SCAND3: variants seen among roughly 807,000 people sequenced by gnomAD.
SCAND3 encodes the protein SCAN domain-containing protein 3.
the SCAND3 span, among the ~76,000 whole-genome samples, chr6:28,612,186 C>T: frequency 6.6e-6 from 1 of 152,110 alleles, no homozygotes; most frequent in East Asian, 1.9e-4. Context: ...CAGGCGTGTG[C>T]CACCATGTGC....
At chr6:28,598,982 C>A in the SCAND3 span, among the ~76,000 whole-genome samples, 1 of 150,858 alleles carries the variant, frequency 6.6e-6, no homozygotes, top group Non-Finnish European at 1.5e-5. Flanking sequence ...ACTAGCAATA[C>A]TCATTTGGAA....
the SCAND3 span, among the ~76,000 whole-genome samples, chr6:28,610,478 G>A: frequency 2.6e-5 from 4 of 152,048 alleles, no homozygotes; most frequent in Admixed American, 6.6e-5. Flanking sequence ...AGCCGAGATC[G>A]CACCACTGCA....
At chr6:28,597,409 C>T in the SCAND3 span, among the ~76,000 whole-genome samples, 2 of 152,214 alleles carry the variant, frequency 1.3e-5, no homozygotes, top group African/African-American at 2.4e-5. Context: ...CTTAACCACT[C>T]GGCCACCTCG....
chr6:28,573,049 T>C, the SCAND3 span: 1 of 1,611,766 alleles, frequency 6.2e-7, no homozygotes, highest in Non-Finnish European at 8.5e-7. Flanking sequence ...TACAGCTTCA[T>C]ACAGTTCTGA....
the SCAND3 span, among the ~76,000 whole-genome samples, chr6:28,610,201 A>G: frequency 1.3e-5 from 2 of 152,158 alleles, no homozygotes; most frequent in African/African-American, 4.8e-5. Context: ...TTTTTTAAAC[A>G]GGTAATATGT....
chr6:28,576,832 G>T, the SCAND3 span, among the ~76,000 whole-genome samples: 1 of 147,442 alleles, frequency 6.8e-6, no homozygotes, highest in Non-Finnish European at 1.5e-5. Context: ...GGATGGTCTC[G>T]ATCTCCTGAC....
chr6:28,573,644 CA>C, the SCAND3 span: 1 of 1,612,674 alleles, frequency 6.2e-7, no homozygotes, highest in Non-Finnish European at 8.5e-7. Context: ...CCATCAATTA[CA>C]GCTACAAAAC....
the SCAND3 span, among the ~76,000 whole-genome samples, chr6:28,589,063 T>A: frequency 6.6e-6 from 1 of 152,218 alleles, no homozygotes; most frequent in Admixed American, 6.5e-5. Flanking sequence ...AGAGTACCCA[T>A]AATTTTATGT....
chr6:28,598,904 A>G, the SCAND3 span, among the ~76,000 whole-genome samples: 1 of 149,976 alleles, frequency 6.7e-6, no homozygotes, highest in East Asian at 1.9e-4. Flanking sequence ...AGAAAAAAGA[A>G]AAAAAGTAAT....
chr6:28,597,447 T>G, the SCAND3 span, among the ~76,000 whole-genome samples: 176 of 152,200 alleles, frequency 1.2e-3, no homozygotes, highest in Non-Finnish European at 2.2e-3. Flanking sequence ...CAAAGTCATT[T>G]TCTTCCTCCG....
At chr6:28,610,636 T>A in the SCAND3 span, among the ~76,000 whole-genome samples, 1 of 152,202 alleles carries the variant, frequency 6.6e-6, no homozygotes, top group African/African-American at 2.4e-5. Context: ...TACTTTGATG[T>A]GTCCTTCTAG....
the SCAND3 span, chr6:28,572,864 T>C: frequency 1.9e-6 from 3 of 1,613,948 alleles, no homozygotes; most frequent in East Asian, 6.7e-5. This position sits in a 1 kb window ranked among gnomAD's most constrained non-coding sequence, Gnocchi z 4.1. Context: ...GATATTTTTT[T>C]CATGGCAAGA....
the SCAND3 span, chr6:28,586,297 CCTG>C: frequency 6.3e-7 from 1 of 1,587,620 alleles, no homozygotes; most frequent in Non-Finnish European, 8.6e-7. This position sits in a 1 kb window ranked among gnomAD's most constrained non-coding sequence, Gnocchi z 4.4. Context: ...CAATTTCTCA[CCTG>C]CTGTCTAGGT....
the SCAND3 span, among the ~76,000 whole-genome samples, chr6:28,609,381 T>G: frequency 6.6e-6 from 1 of 152,302 alleles, no homozygotes; most frequent in East Asian, 1.9e-4. Context: ...TTTGGAGGTT[T>G]TTGAATATCA....
the SCAND3 span, chr6:28,573,457 T>C: frequency 8.1e-6 from 13 of 1,614,022 alleles, no homozygotes; most frequent in Non-Finnish European, 1.1e-5. Context: ...ATGAGAAACG[T>C]TGAACACCTG....
At chr6:28,587,389 A>G in the SCAND3 span, 1 of 152,344 alleles carries the variant, frequency 6.6e-6, no homozygotes, top group Admixed American at 6.5e-5. Flanking sequence ...CTGGTTGTGC[A>G]AACACCTACG....
chr6:28,595,330 C>CAAAAAAAAAAA, the SCAND3 span, among the ~76,000 whole-genome samples: 37 of 37,320 alleles, frequency 9.9e-4, 4 homozygotes, highest in African/African-American at 1.4e-3. Flanking sequence ...AACCCAGTCT[C>CAAAAAAAAAAA]AAAAAAAAAA....
the SCAND3 span, among the ~76,000 whole-genome samples, chr6:28,596,169 T>C: frequency 1.1e-3 from 166 of 152,344 alleles, 1 homozygote; most frequent in African/African-American, 3.1e-3. Context: ...TATAAAGTTA[T>C]TTGTGCAGCA....
chr6:28,571,183 G>A, the SCAND3 span: 1 of 152,152 alleles, frequency 6.6e-6, no homozygotes. Flanking sequence ...GCATGGTGGT[G>A]GGTGCCTGTA....
Sources: gnomAD v4.1 joint callset for allele counts (sites outside exome capture counted in the v4.1 genomes callset) on GRCh38, gnomAD v4.1.1 for gene constraint, Gnocchi (gnomAD v3.1) non-coding constraint, MANE v1.5 for transcripts, NCBI Gene and HGNC (gene_info 2026-07-23, HGNC 2026-07-21) for gene names.